CACNA2D3: variants seen among roughly 807,000 people sequenced by gnomAD.
CACNA2D3 encodes the protein voltage-dependent calcium channel subunit alpha-2/delta-3.
In CACNA2D3, 60 loss-of-function variants were observed where a neutral mutation model predicts 160.6. That is an observed-to-expected ratio of 0.37 (90% CI 0.30 to 0.46). The LOEUF is 0.46. Ranked by LOEUF, CACNA2D3 falls within the 20% of genes least tolerant of loss-of-function variation. The pLI, the probability that CACNA2D3 is intolerant of heterozygous loss-of-function variation, is 1.00. For synonymous variants in CACNA2D3, 558 were observed against 492.9 expected (o/e 1.13, Z -1.75); for missense variants, 1,205 against 1,365.0 (o/e 0.88, Z 1.85).
chr3:54,500,788 A>G (rs2106940696), intron 4 of CACNA2D3, among the ~76,000 whole-genome samples: 1 of 152,310 alleles, frequency 6.6e-6, no homozygotes, highest in East Asian at 1.9e-4. Flanking sequence ...TCCACTTCAA[A>G]TAACCTTACA....
At chr3:54,755,824 T>A (rs541544640) in intron 12 of CACNA2D3, among the ~76,000 whole-genome samples, 325 of 152,308 alleles carry the variant, frequency 2.1e-3, no homozygotes, top group East Asian at 7.3e-3. Flanking sequence ...TAATTTTTTT[T>A]AAAAAAATTT....
chr3:54,391,491 GCTTTCTTT>G (rs569183232), intron 4 of CACNA2D3, among the ~76,000 whole-genome samples: 4 of 150,022 alleles, frequency 2.7e-5, no homozygotes, highest in African/African-American at 4.9e-5. Flanking sequence ...TGGCGGGGTG[GCTTTCTTT>G]CTTTCTTTCT....
chr3:54,329,420 T>C (rs1393816933), intron 3 of CACNA2D3, among the ~76,000 whole-genome samples: 4 of 152,172 alleles, frequency 2.6e-5, no homozygotes, highest in African/African-American at 9.7e-5. Context: ...GCCAGAGAAC[T>C]CCTGATAAAG....
intron 4 of CACNA2D3, among the ~76,000 whole-genome samples, chr3:54,464,901 C>T (rs959384804): frequency 6.6e-6 from 1 of 152,198 alleles, no homozygotes; most frequent in East Asian, 1.9e-4. Flanking sequence ...GGAGCTGTTC[C>T]TATTTGGCCA....
At chr3:54,805,554 T>G (rs1374676120) in intron 13 of CACNA2D3, among the ~76,000 whole-genome samples, 9 of 152,164 alleles carry the variant, frequency 5.9e-5, no homozygotes, top group African/African-American at 2.2e-4. Flanking sequence ...ATTGTGGCAA[T>G]AATCAATAGC....
intron 13 of CACNA2D3, among the ~76,000 whole-genome samples, chr3:54,783,191 T>G (rs1191045837): frequency 6.6e-6 from 1 of 152,138 alleles, no homozygotes. Context: ...TTTAAGGAAC[T>G]GCCAAAGTCT....
chr3:54,208,112 C>A (rs1406985753), intron 2 of CACNA2D3, among the ~76,000 whole-genome samples: 3 of 152,076 alleles, frequency 2.0e-5, no homozygotes, highest in Non-Finnish European at 4.4e-5. Context: ...CATGGAACTG[C>A]CTTTCTTTTT....
Position 54,597,929 on chromosome 3 carries a change from G to A in CACNA2D3, c.963+16052G>A, listed in dbSNP as rs146645735. On this transcript the variant is annotated intron_variant, in intron 9 of 37. Transcript: ENST00000474759. Reference sequence around the variant, plus strand: ...TGAGTCTTAGCCATGGTGACCAGCCGTGGGCACTGGTTGTGTCACATCACA... The same window carrying A: ...TGAGTCTTAGCCATGGTGACCAGCCATGGGCACTGGTTGTGTCACATCACA... Among the ~76,000 whole-genome samples the A allele has an allele frequency of 2.6e-3, 394 of 152,090 alleles. 1 individual carries two copies. Among genetic ancestry groups the A allele is most frequent in the African/African-American group, 8.1e-3 (338 of 41,490 alleles).
intron 2 of CACNA2D3, among the ~76,000 whole-genome samples, chr3:54,184,574 A>G (rs1452717133): frequency 6.6e-6 from 1 of 152,054 alleles, no homozygotes; most frequent in Non-Finnish European, 1.5e-5. Flanking sequence ...TGCAGCCCCT[A>G]CCTCATCTTT....
At chr3:54,541,278 G>GAAAA (rs141900915) in intron 5 of CACNA2D3, among the ~76,000 whole-genome samples, 1,236 of 81,290 alleles carry the variant, frequency 0.015, no homozygotes, top group African/African-American at 0.026. Context: ...CTCCGTCTCA[G>GAAAA]AAAAAAAAAA....
intron 17 of CACNA2D3, among the ~76,000 whole-genome samples, chr3:54,865,945 G>T (rs6771180): frequency 0.095 from 14,462 of 151,978 alleles, 2,248 homozygotes; most frequent in African/African-American, 0.33. Context: ...GCACAGAGAC[G>T]TGCACACCTA....
At chr3:54,305,832 A>G (rs191212382) in intron 2 of CACNA2D3, among the ~76,000 whole-genome samples, 31 of 152,364 alleles carry the variant, frequency 2.0e-4, no homozygotes, top group Admixed American at 1.6e-3. Context: ...ACAAATGTAG[A>G]TGACAAGCCA....
chr3:54,710,197 A>C (rs1334847346), intron 11 of CACNA2D3, among the ~76,000 whole-genome samples: 2 of 152,228 alleles, frequency 1.3e-5, no homozygotes, highest in Non-Finnish European at 2.9e-5. Context: ...ATAAATAAGC[A>C]AACCCCAAAT....
intron 3 of CACNA2D3, among the ~76,000 whole-genome samples, chr3:54,359,010 G>C (rs1051958218): frequency 6.6e-6 from 1 of 151,982 alleles, no homozygotes; most frequent in Non-Finnish European, 1.5e-5. Context: ...TGGATCTCCA[G>C]TAAATAATAT....
chr3:54,828,914 C>G (rs1297332635), intron 14 of CACNA2D3, among the ~76,000 whole-genome samples: 1 of 152,202 alleles, frequency 6.6e-6, no homozygotes, highest in Non-Finnish European at 1.5e-5. Context: ...AGTGATTACA[C>G]TTTACCAAGA....
chr3:54,562,222 A>G (rs1480663919), intron 5 of CACNA2D3, among the ~76,000 whole-genome samples: 1 of 152,252 alleles, frequency 6.6e-6, no homozygotes, highest in Non-Finnish European at 1.5e-5. Flanking sequence ...AGGGTACAGC[A>G]GAAGACCAAG....
chr3:54,808,523 A>T (rs1045415460), intron 13 of CACNA2D3, among the ~76,000 whole-genome samples: 1 of 152,166 alleles, frequency 6.6e-6, no homozygotes, highest in African/African-American at 2.4e-5. Flanking sequence ...AGATTAGGTC[A>T]CACGTCTACC....
intron 29 of CACNA2D3, among the ~76,000 whole-genome samples, chr3:54,979,259 G>GT (rs1450771703): frequency 6.6e-6 from 1 of 152,004 alleles, no homozygotes; most frequent in African/African-American, 2.4e-5. Flanking sequence ...TATGAGGCTA[G>GT]TTTTTTTCAA....
chr3:54,156,555 C>A (rs150273560), intron 2 of CACNA2D3, among the ~76,000 whole-genome samples: 141 of 152,312 alleles, frequency 9.3e-4, no homozygotes, highest in African/African-American at 2.6e-3. Context: ...GGCCCCCATT[C>A]CCTCCCGGTC....
Sources: allele counts gnomAD v4.1 joint callset (sites outside exome capture counted in the v4.1 genomes callset), GRCh38; gene constraint gnomAD v4.1.1; transcripts MANE v1.5; gene names NCBI Gene and HGNC (gene_info 2026-07-23, HGNC 2026-07-21).